The following ANO5 variants were observed in gnomAD, a reference collection of about 807,000 sequenced individuals.
ANO5 encodes the protein anoctamin 5.
A neutral mutation model predicts 121.0 loss-of-function variants in ANO5; 109 were observed. That is an observed-to-expected ratio of 0.90 (90% CI 0.77 to 1.06). The LOEUF is 1.06. Ranked by LOEUF, ANO5 falls within the 50% of genes least tolerant of loss-of-function variation. ANO5 has a pLI of 0.00. For missense variants in ANO5, 1,064 were observed against 1,078.5 expected, an observed-to-expected ratio of 0.99 and a Z score of 0.19; for synonymous variants, 406 against 359.9, an observed-to-expected ratio of 1.13 and a Z score of -1.45.
At chr11:22,261,018 C>T (rs1411695802) in intron 15 of ANO5, among the ~76,000 whole-genome samples, 1 of 152,152 alleles carries the variant, frequency 6.6e-6, no homozygotes, top group Non-Finnish European at 1.5e-5. Context: ...GAGAGGGCAA[C>T]ACAATTCTGT....
At chr11:22,252,449 C>T (rs973555758) in intron 12 of ANO5, among the ~76,000 whole-genome samples, 1 of 152,082 alleles carries the variant, frequency 6.6e-6, no homozygotes, top group Non-Finnish European at 1.5e-5. Context: ...GTGGAGCACC[C>T]TTCAGCACTA....
chr11:22,272,836 T>G lies in ANO5; in HGVS notation c.2082T>G (p.Pro694=), dbSNP rs1854672741. Residue 694 remains proline (P), a synonymous_variant, in exon 19 of 22, where the codon CCT becomes CCG. Coordinates refer to ENST00000324559, the MANE Select transcript of ANO5 (RefSeq NM_213599.3). The part of the protein sequence containing the change: ...TLFVASFPLA[P]LLALINNIVE... ...TTGTGGCCTCTTTTCCTTTGGCTCC[T>G]CTTCTTGCTCTCATAAATAATATTG... The G allele has an allele frequency of 2.5e-6, 4 of 1,614,180 alleles. No individual in the cohort carries two copies. The highest frequency in any genetic ancestry group is 3.4e-6 in the Non-Finnish European group (4 of 1,180,022).
intron 4 of ANO5, among the ~76,000 whole-genome samples, chr11:22,219,935 T>A (rs1412397351): frequency 6.6e-6 from 1 of 150,826 alleles, no homozygotes; most frequent in Non-Finnish European, 1.5e-5. Context: ...TTCCACACAT[T>A]TCTTCCTGTG....
chr11:22,220,879 G>A lies in ANO5; in HGVS notation c.181-218G>A, dbSNP rs538575013. 1.1e-4 allele frequency among the ~76,000 whole-genome samples: 17 copies of A among 151,928 alleles called. No individual in the cohort carries two copies. In the South Asian group the frequency reaches 1.7e-3, roughly 15 times the overall value. ...ATTTTGGTATGTTTGCAGCATTTTT[G>A]TTGTATGTGCATGTAGTTAACATGC... On this transcript the variant is annotated intron_variant, in intron 4 of 21. Transcript: ENST00000324559.
rs1855054165 is a variant in ANO5, at chr11:22,280,969, A to ATAATC, written c.*1208_*1212dup. ...AACTAAGAATGAGTTCATGGACTTA[A>ATAATC]TAATCTAAGGGGGAAAAAATGTTTG... is the stretch of plus-strand genomic sequence containing the variant. On this transcript the variant is annotated 3_prime_UTR_variant, in exon 22 of 22. Coordinates refer to ENST00000324559, the MANE Select transcript of ANO5 (RefSeq NM_213599.3). 1 of 152,030 alleles carries ATAATC rather than the reference A, an allele frequency of 6.6e-6. No homozygotes were observed. Among genetic ancestry groups the ATAATC allele is most frequent in the Non-Finnish European group, 1.5e-5 (1 of 67,892 alleles). 9.4% of individuals were successfully genotyped at this position (152,030 alleles called of 1,614,324 possible).
chr11:22,257,073 T>A (rs1590295412), intron 13 of ANO5, among the ~76,000 whole-genome samples: 1 of 5,428 alleles, frequency 1.8e-4, no homozygotes, highest in South Asian at 5.1e-3. Flanking sequence ...GCTGACAGCG[T>A]TTTTTTTTTG....
intron 7 of ANO5, among the ~76,000 whole-genome samples, chr11:22,230,128 T>A (rs1852990795): frequency 6.6e-6 from 1 of 151,954 alleles, no homozygotes; most frequent in African/African-American, 2.4e-5. Context: ...GTTTACACCT[T>A]TTATTGTGGA....
intron 5 of ANO5, among the ~76,000 whole-genome samples, chr11:22,221,522 C>T (rs546188832): frequency 5.9e-5 from 9 of 151,842 alleles, no homozygotes; most frequent in African/African-American, 2.2e-4. Flanking sequence ...TAATAATTAC[C>T]TTTTGTATGA....
At position 22,241,367 on chromosome 11, in the gene ANO5, A is replaced by G. The variant is rs140245652; in HGVS notation, c.878+1683A>G. Reference sequence around the variant, plus strand: ...CTGCAATGGACATATAGGTGCGTGCATCTTTTTGGTAGAACAATTTATATT... The same window carrying G: ...CTGCAATGGACATATAGGTGCGTGCGTCTTTTTGGTAGAACAATTTATATT... On this transcript the variant is annotated intron_variant, in intron 9 of 21. Coordinates refer to ENST00000324559, the MANE Select transcript of ANO5 (RefSeq NM_213599.3). 1.7e-4 allele frequency among the ~76,000 whole-genome samples: 25 copies of G among 146,798 alleles called. No homozygotes were observed. The East Asian group carries it at 4.9e-3, about 29-fold the overall frequency.
chr11:22,267,538 A>C lies in ANO5; in HGVS notation c.1899-2774A>C, dbSNP rs1590315616. The stretch of plus-strand genomic sequence containing the variant: ...TATATATATATAAAATCTATCTACA[A>C]TTATACCAAGTGCAAGGCTATTTCA... On this transcript the variant is annotated intron_variant, in intron 17 of 21. Coordinates refer to ENST00000324559, the MANE Select transcript of ANO5 (RefSeq NM_213599.3). Among the ~76,000 whole-genome samples the C allele has an allele frequency of 2.0e-5, 3 of 150,630 alleles. No homozygotes were observed. The South Asian group carries it at 6.3e-4, about 31-fold the overall frequency.
chr11:22,268,321 T>C (rs2133768820), intron 17 of ANO5, among the ~76,000 whole-genome samples: 1 of 152,270 alleles, frequency 6.6e-6, no homozygotes, highest in Non-Finnish European at 1.5e-5. Flanking sequence ...AACATTTAAA[T>C]TGGACCTTAA....
At chr11:22,231,978 C>T (rs1853056855) in intron 7 of ANO5, among the ~76,000 whole-genome samples, 1 of 151,934 alleles carries the variant, frequency 6.6e-6, no homozygotes, top group African/African-American at 2.4e-5. Flanking sequence ...CCACCAACAC[C>T]TAGAGAGAAA....
chr11:22,259,406 G>A (rs1854111943), intron 14 of ANO5, 113 bp from the exon 15 acceptor site: 5 of 1,137,676 alleles, frequency 4.4e-6, no homozygotes, highest in African/African-American at 1.5e-5. Flanking sequence ...CTTTGCACAT[G>A]AGAACTGCTA....
intron 14 of ANO5, 36 bp from the exon 15 acceptor site, chr11:22,259,483 A>G (rs1191138757): frequency 3.2e-6 from 5 of 1,556,360 alleles, no homozygotes; most frequent in Non-Finnish European, 4.4e-6. Flanking sequence ...AGAGATACAG[A>G]GACCCAAATA....
chr11:22,209,219 A>G (rs1462083704), intron 2 of ANO5, among the ~76,000 whole-genome samples: 1 of 151,990 alleles, frequency 6.6e-6, no homozygotes, highest in Non-Finnish European at 1.5e-5. Context: ...TGAGTCCATC[A>G]TTGGACATTG....
At chr11:22,258,388 A>G (rs1180019489) in intron 14 of ANO5, among the ~76,000 whole-genome samples, 6 of 152,198 alleles carry the variant, frequency 3.9e-5, no homozygotes, top group Non-Finnish European at 7.3e-5. Flanking sequence ...GTGATAAAAT[A>G]AAAGGGGGAG....
intron 13 of ANO5, 28 bp downstream of exon 13, chr11:22,255,550 G>A: frequency 6.2e-7 from 1 of 1,610,570 alleles, no homozygotes. Flanking sequence ...GAAACGGACA[G>A]CATATCTCAA....
intron 9 of ANO5, among the ~76,000 whole-genome samples, chr11:22,247,870 C>G (rs750508582): frequency 2.0e-5 from 3 of 151,824 alleles, no homozygotes; most frequent in Non-Finnish European, 4.4e-5. Context: ...TTTTTCCTTC[C>G]AGCTTACACT....
At chr11:22,262,076 G>A in intron 15 of ANO5, 53 bp from the exon 16 acceptor site, 1 of 1,581,264 alleles carries the variant, frequency 6.3e-7, no homozygotes, top group Non-Finnish European at 8.7e-7. Context: ...GGAGTACGAA[G>A]TTCAAGGAAA....
Sources: allele counts gnomAD v4.1 joint callset (sites outside exome capture counted in the v4.1 genomes callset), GRCh38; gene constraint gnomAD v4.1.1; transcripts MANE v1.5; gene names NCBI Gene and HGNC (gene_info 2026-07-23, HGNC 2026-07-21).